RIMS3: variants seen among roughly 807,000 people sequenced by gnomAD.
RIMS3 encodes regulating synaptic membrane exocytosis 3.
A neutral mutation model predicts 29.2 loss-of-function variants in RIMS3; 15 were observed. The ratio of observed to expected loss-of-function variants is 0.51; its 90% CI spans 0.34 to 0.79. The LOEUF (loss-of-function observed/expected upper bound fraction) is 0.79. Among genes scored for constraint, RIMS3 ranks in the 30% least tolerant of loss-of-function variants. The pLI, the probability that RIMS3 is intolerant of heterozygous loss-of-function variation, is 0.01. For synonymous variants in RIMS3, 161 were observed against 170.1 expected (o/e 0.95, Z 0.41); for missense variants, 342 against 421.4 (o/e 0.81, Z 1.65).
At chr1:40,632,523 T>C (rs1369809535) in intron 5 of RIMS3, among the ~76,000 whole-genome samples, 2 of 149,090 alleles carry the variant, frequency 1.3e-5, no homozygotes, top group African/African-American at 4.9e-5. Flanking sequence ...TGACTGTACT[T>C]ATAATACCTA....
rs1197386704 is a variant in RIMS3 at position 40,625,346 on chromosome 1, A to C, written c.*1171T>G. 6.5e-6 allele frequency: 1 copy of C among 152,734 alleles called. No homozygotes were observed. The highest frequency in any genetic ancestry group is 1.5e-5 in the Non-Finnish European group (1 of 68,140). The allele number at this position is 152,734 out of a possible 1,614,324, so 9.5% of individuals were successfully genotyped here. On this transcript the variant is annotated 3_prime_UTR_variant, in exon 8 of 8. Coordinates refer to ENST00000372684, the MANE Select transcript of RIMS3 (RefSeq NM_014747.3). ...ACAGAGCTGGTGATGGTGGCAGACG[A>C]GAGTCCGGAGCCAGGCTGCTGGAGC...
At chr1:40,667,676 AG>A (rs1642442385), upstream of RIMS3, among the ~76,000 whole-genome samples, 1 of 152,222 alleles carries the variant, frequency 6.6e-6, no homozygotes, top group South Asian at 2.1e-4. Flanking sequence ...CAGGAAGAAA[AG>A]TAATGAAAAG....
chr1:40,666,351 G>A (rs907972714), upstream of RIMS3, among the ~76,000 whole-genome samples: 1 of 152,178 alleles, frequency 6.6e-6, no homozygotes, highest in East Asian at 1.9e-4. Flanking sequence ...TGCTACTGGC[G>A]TCTCATGAGA....
At chr1:40,634,097 G>A (rs1646505741) in intron 4 of RIMS3, among the ~76,000 whole-genome samples, 1 of 152,036 alleles carries the variant, frequency 6.6e-6, no homozygotes, top group Admixed American at 6.6e-5. Flanking sequence ...ATGAGGGAGG[G>A]TTGGCCCTGC....
At chr1:40,683,517 G>A in the RIMS3 span, among the ~76,000 whole-genome samples, 3 of 152,304 alleles carry the variant, frequency 2.0e-5, no homozygotes, top group East Asian at 1.9e-4. Context: ...ACCAGATGTC[G>A]AGCAAATGCT....
Position 40,622,687 on chromosome 1 carries a change from A to C in RIMS3, c.*3830T>G, listed in dbSNP as rs1646430044. 6.5e-6 allele frequency: 1 copy of C among 152,688 alleles called. No individual in the cohort carries two copies. Among genetic ancestry groups the C allele is most frequent in the Admixed American group, 6.5e-5 (1 of 15,286 alleles). The allele number at this position is 152,688 out of a possible 1,614,324, so 9.5% of individuals were successfully genotyped here. A position where few individuals can be genotyped will look rare whatever the true frequency, so the allele number is the denominator to read the frequency against. ...GGGCAACTCATCTACAACATCAAGC[A>C]AAGGCAGCAATTTCTTGCAGAGTTT... is the stretch of plus-strand genomic sequence containing the variant. On this transcript the variant is annotated 3_prime_UTR_variant, in exon 8 of 8. Transcript: ENST00000372684.
At chr1:40,629,159 G>T (rs889376460) in intron 6 of RIMS3, 112 bp downstream of exon 6, 82 of 1,130,232 alleles carry the variant, frequency 7.3e-5, no homozygotes, top group Non-Finnish European at 1.0e-4. Flanking sequence ...GGCAAGCTGT[G>T]ACTCCACTGT....
intron 7 of RIMS3, 131 bp downstream of exon 7, chr1:40,628,679 A>G: frequency 7.8e-7 from 1 of 1,275,230 alleles, no homozygotes; most frequent in Non-Finnish European, 1.1e-6. Context: ...AGGGTTGTGA[A>G]AGTAAATGAG....
At chr1:40,670,629 T>C (rs1475957117), upstream of RIMS3, among the ~76,000 whole-genome samples, 3 of 133,152 alleles carry the variant, frequency 2.3e-5, no homozygotes, top group African/African-American at 8.8e-5. Flanking sequence ...AGTCTCACTC[T>C]GTTACCCAGG....
intron 4 of RIMS3, among the ~76,000 whole-genome samples, chr1:40,634,437 T>G (rs1570174934): frequency 6.6e-6 from 1 of 152,138 alleles, no homozygotes; most frequent in Non-Finnish European, 1.5e-5. Context: ...AAACTTAGAC[T>G]CTCAAGGTCA....
chr1:40,639,841 G>C (rs1646544376), intron 3 of RIMS3, among the ~76,000 whole-genome samples: 1 of 152,076 alleles, frequency 6.6e-6, no homozygotes, highest in Non-Finnish European at 1.5e-5. Flanking sequence ...GAGACCTTCA[G>C]TTAGAAGGGC....
upstream of RIMS3, among the ~76,000 whole-genome samples, chr1:40,670,587 T>TATATATATATAC (rs1553146618): frequency 4.9e-5 from 6 of 121,754 alleles, no homozygotes; most frequent in African/African-American, 2.1e-4. Flanking sequence ...TATATATATA[T>TATATATATATAC]ATATATATAT....
chr1:40,679,311 C>G, the RIMS3 span, among the ~76,000 whole-genome samples: 1 of 152,204 alleles, frequency 6.6e-6, no homozygotes, highest in Non-Finnish European at 1.5e-5. Context: ...CCCAGGCACA[C>G]AATTTCCCAC....
chr1:40,660,322 G>T (rs1475056771), intron 1 of RIMS3, among the ~76,000 whole-genome samples: 1 of 151,656 alleles, frequency 6.6e-6, no homozygotes, highest in Non-Finnish European at 1.5e-5. Flanking sequence ...GAAGCTGATT[G>T]TGAGACATCT....
the RIMS3 span, among the ~76,000 whole-genome samples, chr1:40,685,947 A>G: frequency 1.3e-5 from 2 of 152,156 alleles, no homozygotes; most frequent in African/African-American, 4.8e-5. Context: ...CAGGAGTTCA[A>G]GACCAGCTTG....
At chr1:40,639,559 A>C (rs991385760) in intron 3 of RIMS3, among the ~76,000 whole-genome samples, 7 of 152,166 alleles carry the variant, frequency 4.6e-5, no homozygotes, top group Admixed American at 4.6e-4. Context: ...GTGCCTTTGC[A>C]TACCCTATCT....
chr1:40,678,623 C>G, the RIMS3 span, among the ~76,000 whole-genome samples: 2 of 152,190 alleles, frequency 1.3e-5, no homozygotes, highest in Admixed American at 1.3e-4. Flanking sequence ...GTAAGCTCTC[C>G]ATAACACAGT....
At chr1:40,661,596 G>A (rs1405868486) in intron 1 of RIMS3, among the ~76,000 whole-genome samples, 2 of 152,176 alleles carry the variant, frequency 1.3e-5, no homozygotes, top group Admixed American at 6.5e-5. Context: ...CCCTGGGCCC[G>A]GCCCAGAGTT....
the RIMS3 span, among the ~76,000 whole-genome samples, chr1:40,687,371 G>A: frequency 6.6e-6 from 1 of 152,136 alleles, no homozygotes; most frequent in South Asian, 2.1e-4. Context: ...GGAGGCCAAG[G>A]CAGGTGGATC....
Sources: allele counts gnomAD v4.1 joint callset (sites outside exome capture counted in the v4.1 genomes callset), GRCh38; gene constraint gnomAD v4.1.1; transcripts MANE v1.5; gene names NCBI Gene and HGNC (gene_info 2026-07-23, HGNC 2026-07-21).